Variants in PCNX1 observed in about 807,000 individuals in gnomAD.
PCNX1 encodes pecanex 1.
A neutral mutation model predicts 242.2 loss-of-function variants in PCNX1; 78 were observed. The ratio of observed to expected loss-of-function variants is 0.32; its 90% CI spans 0.27 to 0.39. The LOEUF is 0.39. Among genes scored for constraint, PCNX1 ranks in the 10% least tolerant of loss-of-function variants. The probability of loss-of-function intolerance (pLI) is 1.00; values close to 1 mark genes in which losing one functional copy is unlikely to be tolerated. For missense variants in PCNX1, 2,581 were observed against 2,856.5 expected, an observed-to-expected ratio of 0.90 and a Z score of 2.20; for synonymous variants, 1,024 against 1,032.9, an observed-to-expected ratio of 0.99 and a Z score of 0.17.
intron 1 of PCNX1, among the ~76,000 whole-genome samples, chr14:70,908,299 C>T (rs2139963552): frequency 6.6e-6 from 1 of 152,238 alleles, no homozygotes; most frequent in Non-Finnish European, 1.5e-5. Context: ...GGCCACTCGG[C>T]TAGGCCGTCC....
At chr14:71,044,386 T>A (rs1478957075) in intron 19 of PCNX1, 1 of 152,318 alleles carries the variant, frequency 6.6e-6, no homozygotes, top group East Asian at 1.9e-4. Flanking sequence ...AAATGATTGT[T>A]CTCCAGTATG....
intron 19 of PCNX1, among the ~76,000 whole-genome samples, chr14:71,039,119 G>A (rs985168432): frequency 6.6e-6 from 1 of 151,838 alleles, no homozygotes; most frequent in Non-Finnish European, 1.5e-5. Flanking sequence ...TATACCTAAT[G>A]CTAGATGACG....
intron 2 of PCNX1, among the ~76,000 whole-genome samples, chr14:70,959,027 A>T (rs1389903348): frequency 6.6e-6 from 1 of 150,484 alleles, no homozygotes; most frequent in African/African-American, 2.4e-5. Context: ...CAAAAAAAAA[A>T]AAAAAAGATT....
chr14:71,056,520 A>T (rs966976564), intron 25 of PCNX1, among the ~76,000 whole-genome samples: 1 of 152,328 alleles, frequency 6.6e-6, no homozygotes, highest in East Asian at 1.9e-4. Flanking sequence ...ATTTTATTCA[A>T]TTAGACTGGG....
intron 26 of PCNX1, among the ~76,000 whole-genome samples, chr14:71,064,942 T>G (rs976563668): frequency 6.6e-6 from 1 of 152,238 alleles, no homozygotes; most frequent in Non-Finnish European, 1.5e-5. Context: ...GCAAAGGCCA[T>G]GAACTCATCC....
chr14:71,023,506 A>G (rs1222656324), intron 13 of PCNX1, among the ~76,000 whole-genome samples: 1 of 152,132 alleles, frequency 6.6e-6, no homozygotes, highest in East Asian at 1.9e-4. Flanking sequence ...GGGAGTAGAC[A>G]TGGTTCTTAT....
rs912799428 is a variant in PCNX1 at position 71,055,813 on chromosome 14, T to C, written c.4636+251T>C. ...ATGAAAAATTCCATTCAAAGATTGT[T>C]CTTACATAGGTTAAAATGTAGAAAA... On this transcript the variant is annotated intron_variant, in intron 25 of 35. Coordinates refer to ENST00000304743, the MANE Select transcript of PCNX1 (RefSeq NM_014982.3). 2.6e-5 allele frequency among the ~76,000 whole-genome samples: 4 copies of C among 152,242 alleles called. No individual in the cohort carries two copies. The East Asian group carries it at 5.8e-4, about 22-fold the overall frequency.
intron 1 of PCNX1, among the ~76,000 whole-genome samples, chr14:70,924,732 A>C (rs1292289038): frequency 6.6e-6 from 1 of 151,850 alleles, no homozygotes; most frequent in Non-Finnish European, 1.5e-5. Context: ...GGCTGTAAGC[A>C]CACACCCCAC....
At chr14:70,949,302 C>CGTGT (rs2057665713) in intron 2 of PCNX1, among the ~76,000 whole-genome samples, 1 of 146,310 alleles carries the variant, frequency 6.8e-6, no homozygotes, top group Non-Finnish European at 1.5e-5. Context: ...TGTGTACACA[C>CGTGT]ATATGTGTGT....
intron 6 of PCNX1, among the ~76,000 whole-genome samples, chr14:70,983,301 G>GCT (rs1377060129): frequency 6.6e-6 from 1 of 151,974 alleles, no homozygotes; most frequent in Admixed American, 6.6e-5. Context: ...GCAAAGCTCA[G>GCT]CTAATAATTT....
At chr14:71,037,071 ATGATT>A (rs2060559436) in intron 19 of PCNX1, among the ~76,000 whole-genome samples, 1 of 152,112 alleles carries the variant, frequency 6.6e-6, no homozygotes, top group South Asian at 2.1e-4. Flanking sequence ...GAGTTCACTC[ATGATT>A]TGGCTCTCTG....
At chr14:70,933,988 G>A (rs2056903092) in intron 1 of PCNX1, among the ~76,000 whole-genome samples, 1 of 152,192 alleles carries the variant, frequency 6.6e-6, no homozygotes, top group Non-Finnish European at 1.5e-5. Flanking sequence ...AGGAGATAGT[G>A]AAAGTTATCA....
intron 1 of PCNX1, chr14:70,942,760 C>G (rs953427126): frequency 6.6e-6 from 1 of 152,232 alleles, no homozygotes; most frequent in Non-Finnish European, 1.5e-5. Flanking sequence ...TTTATAGAAG[C>G]TTCATTATGT....
rs763419703 is a variant in PCNX1 at position 71,013,113 on chromosome 14, G to A, written c.2907G>A (p.Lys969=). ...TYGPTEEAAQ[K]VKHYYRFWIL... is the part of the protein sequence containing the mutation. ...GCCCAACAGAAGAAGCTGCCCAAAA[G>A]GTTAAACACTATTATCGCTTTTGGA... The change falls in exon 11 of 36, where the codon AAG becomes AAA. Residue 969 remains lysine (K), a synonymous_variant. Transcript: ENST00000304743. 4.3e-6 allele frequency: 7 copies of A among 1,614,094 alleles called. No homozygotes were observed. The highest frequency in any genetic ancestry group is 1.6e-4 in the Middle Eastern group (1 of 6,062).
chr14:71,089,179 C>T lies in PCNX1; in HGVS notation c.5439-13C>T. On this transcript the variant is annotated splice_polypyrimidine_tract_variant and intron_variant, in intron 29 of 35. Transcript: ENST00000304743. Reference sequence around the variant, plus strand: ...TGTCAAAACATGTGAACTTTTATCTCCAATCTTAACAGTAATTTAGAGTCA... The same window carrying T: ...TGTCAAAACATGTGAACTTTTATCTTCAATCTTAACAGTAATTTAGAGTCA... The T allele has an allele frequency of 6.3e-7, 1 of 1,585,818 alleles. No homozygotes were observed. Among genetic ancestry groups the T allele is most frequent in the South Asian group, 1.1e-5 (1 of 88,330 alleles).
In PCNX1 at chr14:71,028,674, T is replaced by C. The variant is rs768752200; in HGVS notation, c.3467-26T>C. 1.2e-5 allele frequency: 16 copies of C among 1,344,770 alleles called. No individual in the cohort carries two copies. In the African/African-American group the frequency reaches 2.3e-4, roughly 20 times the overall value. 83.3% of individuals were successfully genotyped at this position (1,344,770 alleles called of 1,614,324 possible). The stretch of plus-strand genomic sequence containing the variant: ...TTTTCATATATTTTTATAAAATGTT[T>C]CTTACCTTTTCCTTTTCCTGTCTAG... On this transcript the variant is annotated intron_variant, in intron 15 of 35. Coordinates refer to ENST00000304743, the MANE Select transcript of PCNX1 (RefSeq NM_014982.3).
intron 32 of PCNX1, among the ~76,000 whole-genome samples, chr14:71,104,541 C>G (rs754541753): frequency 6.6e-6 from 1 of 152,138 alleles, no homozygotes; most frequent in Non-Finnish European, 1.5e-5. Flanking sequence ...TTCAGCACCT[C>G]TCTTCAAGTA....
At position 70,962,875 on chromosome 14, in the gene PCNX1, C is replaced by T. The variant is rs17108772; in HGVS notation, c.468+544C>T. On this transcript the variant is annotated intron_variant, in intron 3 of 35. Transcript: ENST00000304743. ...AGTCCTCTTATTCATCCTAAATACC[C>T]GTACACTAATCAAAGCCCCAGTTAC... 8.6e-3 allele frequency among the ~76,000 whole-genome samples: 1,317 copies of T among 152,266 alleles called. 26 individuals carry two copies. Among genetic ancestry groups the T allele is most frequent in the African/African-American group, 0.03 (1,243 of 41,544 alleles).
intron 16 of PCNX1, among the ~76,000 whole-genome samples, chr14:71,029,190 G>A (rs560061111): frequency 1.1e-4 from 16 of 152,088 alleles, no homozygotes; most frequent in African/African-American, 3.9e-4. Context: ...TAAGATACAT[G>A]CTAATAAAAA....
Sources: gnomAD v4.1 joint callset for allele counts (sites outside exome capture counted in the v4.1 genomes callset) on GRCh38, gnomAD v4.1.1 for gene constraint, MANE v1.5 for transcripts, NCBI Gene and HGNC (gene_info 2026-07-23, HGNC 2026-07-21) for gene names.